The following DIP2C variants were observed in gnomAD, a reference collection of about 807,000 sequenced individuals.
The protein encoded by DIP2C is disco-interacting protein 2 homolog C.
A neutral mutation model predicts 192.4 loss-of-function variants in DIP2C; 33 were observed. That is an observed-to-expected ratio of 0.17 (90% CI 0.13 to 0.23). The LOEUF is 0.23. Ranked by LOEUF, DIP2C falls within the 10% of genes least tolerant of loss-of-function variation. The pLI is 1.00. For synonymous variants in DIP2C, 979 were observed against 864.1 expected (o/e 1.13, Z -2.33); for missense variants, 1,537 against 2,110.1 (o/e 0.73, Z 5.32).
intron 32 of DIP2C, among the ~76,000 whole-genome samples, chr10:307,044 T>TCTG (rs1956357078): frequency 6.6e-6 from 1 of 152,094 alleles, no homozygotes; most frequent in Non-Finnish European, 1.5e-5. Context: ...CTAAAAACAG[T>TCTG]CTGTCCCCTC....
intron 3 of DIP2C, among the ~76,000 whole-genome samples, chr10:446,370 G>C (rs61837245): frequency 6.6e-6 from 1 of 152,046 alleles, no homozygotes; most frequent in Non-Finnish European, 1.5e-5. Flanking sequence ...GGTCCACTGG[G>C]CATCTGTATA....
intron 17 of DIP2C, among the ~76,000 whole-genome samples, chr10:371,874 T>A (rs1961004312): frequency 2.0e-5 from 3 of 152,226 alleles, no homozygotes; most frequent in Non-Finnish European, 2.9e-5. Flanking sequence ...GGTACTTTGT[T>A]ACGAGAGCCG....
At chr10:415,708 A>G in intron 7 of DIP2C, 61 bp downstream of exon 7, 1 of 1,580,192 alleles carries the variant, frequency 6.3e-7, no homozygotes, top group Non-Finnish European at 8.6e-7. Context: ...AGAAAAAAAT[A>G]TCATTGTTTA....
chr10:457,098 T>G (rs373008234), intron 3 of DIP2C, among the ~76,000 whole-genome samples: 3 of 152,232 alleles, frequency 2.0e-5, no homozygotes, highest in East Asian at 1.9e-4. Context: ...CTCAATTCTT[T>G]GACAGATCTA....
intron 4 of DIP2C, among the ~76,000 whole-genome samples, chr10:426,109 A>G (rs894842821): frequency 1.3e-5 from 2 of 152,242 alleles, no homozygotes; most frequent in African/African-American, 4.8e-5. Context: ...CCTTGGATGT[A>G]GAAAACGGCA....
intron 3 of DIP2C, among the ~76,000 whole-genome samples, chr10:445,974 C>T (rs1473564261): frequency 3.1e-5 from 4 of 129,596 alleles, no homozygotes; most frequent in East Asian, 4.2e-4. Flanking sequence ...AAGAGTCTCA[C>T]GGTCCACTGG....
intron 1 of DIP2C, among the ~76,000 whole-genome samples, chr10:526,775 A>G (rs1405188054): frequency 6.6e-6 from 1 of 152,202 alleles, no homozygotes; most frequent in African/African-American, 2.4e-5. Context: ...TTCATGCCTC[A>G]GCACTGTGTG....
chr10:433,897 CT>C (rs891670761), intron 4 of DIP2C, among the ~76,000 whole-genome samples: 1 of 148,008 alleles, frequency 6.8e-6, no homozygotes. Flanking sequence ...GCCCTTTTGT[CT>C]TTTTTTTTCT....
intron 1 of DIP2C, among the ~76,000 whole-genome samples, chr10:680,444 G>A (rs1045838400): frequency 5.9e-5 from 9 of 152,144 alleles, no homozygotes; most frequent in African/African-American, 1.7e-4. Context: ...TACACTGTCC[G>A]CACTGGGTAA....
chr10:519,452 G>A (rs766507676), intron 1 of DIP2C, among the ~76,000 whole-genome samples: 3 of 152,176 alleles, frequency 2.0e-5, no homozygotes, highest in Non-Finnish European at 4.4e-5. Flanking sequence ...CTGACCCCGC[G>A]TGGTATTGGA....
At chr10:355,295 G>GCTT (rs1959028464) in intron 24 of DIP2C, among the ~76,000 whole-genome samples, 1 of 152,216 alleles carries the variant, frequency 6.6e-6, no homozygotes, top group African/African-American at 2.4e-5. Flanking sequence ...GACGACACGC[G>GCTT]CTTCTCTGGC....
intron 2 of DIP2C, among the ~76,000 whole-genome samples, chr10:485,222 A>G (rs1213767898): frequency 6.6e-6 from 1 of 152,234 alleles, no homozygotes; most frequent in African/African-American, 2.4e-5. Context: ...CGTGGCCTAC[A>G]GTCAGACCCC....
chr10:385,745 T>TG (rs1962839206), intron 14 of DIP2C, among the ~76,000 whole-genome samples: 1 of 152,148 alleles, frequency 6.6e-6, no homozygotes, highest in Non-Finnish European at 1.5e-5. Flanking sequence ...AGGCACCACC[T>TG]GGCAGGCTGT....
intron 6 of DIP2C, among the ~76,000 whole-genome samples, chr10:416,362 C>T (rs181788571): frequency 6.6e-6 from 1 of 152,066 alleles, no homozygotes; most frequent in South Asian, 2.1e-4. Context: ...ACGAGAACAT[C>T]GGGCCGCTGA....
At chr10:594,119 G>A (rs878945965) in intron 1 of DIP2C, among the ~76,000 whole-genome samples, 1 of 152,224 alleles carries the variant, frequency 6.6e-6, no homozygotes, top group Non-Finnish European at 1.5e-5. Context: ...CAGAGGGGCC[G>A]ACGGTGCTGA....
intron 1 of DIP2C, among the ~76,000 whole-genome samples, chr10:619,001 C>A (rs1180489739): frequency 6.6e-6 from 1 of 152,224 alleles, no homozygotes; most frequent in African/African-American, 2.4e-5. Context: ...TCAGCCCTCA[C>A]TGTGTTCTGA....
At chr10:559,844 G>A (rs980648874) in intron 1 of DIP2C, among the ~76,000 whole-genome samples, 5 of 152,182 alleles carry the variant, frequency 3.3e-5, no homozygotes, top group Admixed American at 6.5e-5. Context: ...AGCACAGCAC[G>A]GTCCAGCCAC....
intron 1 of DIP2C, among the ~76,000 whole-genome samples, chr10:656,965 C>T (rs1454419366): frequency 2.0e-5 from 3 of 152,204 alleles, no homozygotes; most frequent in African/African-American, 7.2e-5. Flanking sequence ...GCAGTAGGCT[C>T]TACTAATAAC....
chr10:634,993 G>A (rs1247640375), intron 1 of DIP2C, among the ~76,000 whole-genome samples: 2 of 152,104 alleles, frequency 1.3e-5, no homozygotes, highest in African/African-American at 2.4e-5. Flanking sequence ...TTACGCAGAC[G>A]TCAGTCTTCC....
Sources: gnomAD v4.1 joint callset for allele counts (sites outside exome capture counted in the v4.1 genomes callset) on GRCh38, gnomAD v4.1.1 for gene constraint, MANE v1.5 for transcripts, NCBI Gene and HGNC (gene_info 2026-07-23, HGNC 2026-07-21) for gene names.